TJP3: variants seen among roughly 807,000 people sequenced by gnomAD.
TJP3 encodes the protein tight junction protein 3.
TJP3 carries 85 observed loss-of-function variants against 104.2 expected under a neutral mutation model. The observed-to-expected ratio is 0.82, with a 90% confidence interval of 0.68 to 0.98. The LOEUF (loss-of-function observed/expected upper bound fraction) is 0.98. Among genes scored for constraint, TJP3 ranks in the 50% least tolerant of loss-of-function variants. The probability of loss-of-function intolerance (pLI) is 0.00; values close to 1 mark genes in which losing one functional copy is unlikely to be tolerated. For missense variants in TJP3, 1,367 were observed against 1,322.8 expected (o/e 1.03, Z -0.52); for synonymous variants, 550 against 550.6 (o/e 1.00, Z 0.02).
At position 3,736,336 on chromosome 19, in the gene TJP3, G is replaced by C; in HGVS notation, c.1284+15G>C. On this transcript the variant is annotated intron_variant, in intron 11 of 20. Coordinates refer to ENST00000541714, the MANE Select transcript of TJP3 (RefSeq NM_001267560.2). ...AGATTCTGCAGGTGCTCCGGGGGCG[G>C]CTGGCCAGCCCCACTGATCATGGGC... The C allele has an allele frequency of 6.6e-7, 1 of 1,516,326 alleles. No individual in the cohort carries two copies. Among genetic ancestry groups the C allele is most frequent in the Non-Finnish European group, 8.8e-7 (1 of 1,133,696 alleles). The allele number at this position is 1,516,326 out of a possible 1,614,324, so 93.9% of individuals were successfully genotyped here. A position where few individuals can be genotyped will look rare whatever the true frequency, so the allele number is the denominator to read the frequency against.
intron 19 of TJP3, among the ~76,000 whole-genome samples, chr19:3,748,567 C>CTTTT (rs754151380): frequency 3.7e-5 from 4 of 107,910 alleles, no homozygotes; most frequent in Non-Finnish European, 3.8e-5. Context: ...TGCACCCAGG[C>CTTTT]TTTTTTTTTT....
Position 3,740,548 on chromosome 19 carries a change from C to T in TJP3, c.1632-4C>T. On this transcript the variant is annotated splice_region_variant and splice_polypyrimidine_tract_variant and intron_variant, in intron 13 of 20. Coordinates refer to ENST00000541714, the MANE Select transcript of TJP3 (RefSeq NM_001267560.2). The stretch of plus-strand genomic sequence containing the variant: ...TGCTCAGTACTGTCCCCTCTTCTCC[C>T]CAGGGCGGAGCAGCTGGCCAGCCTG... The T allele has an allele frequency of 6.8e-7, 1 of 1,461,540 alleles. No individual in the cohort carries two copies. Among genetic ancestry groups the T allele is most frequent in the Non-Finnish European group, 9.0e-7 (1 of 1,107,008 alleles). The allele number at this position is 1,461,540 out of a possible 1,614,324, so 90.5% of individuals were successfully genotyped here. A position where few individuals can be genotyped will look rare whatever the true frequency, so the allele number is the denominator to read the frequency against.
At position 3,730,105 on chromosome 19, in the gene TJP3, A is replaced by G; in HGVS notation, c.236A>G (p.Lys79Arg). Residue 79 changes from lysine to arginine, a missense_variant, in exon 4 of 21, where the codon AAG becomes AGG. Coordinates refer to ENST00000541714, the MANE Select transcript of TJP3 (RefSeq NM_001267560.2). The surrounding 1 kb of genome is among the most constrained non-coding windows in gnomAD (Gnocchi z 7.3). ...ATSAFAIQILKTCTKMANITV... is the reference protein window; with the variant it reads ...ATSAFAIQILRTCTKMANITV... ...TCCGCGTTTGCCATTCAGATACTCA[A>G]GACCTGCACCAAGATGGCCAACATC... is the stretch of plus-strand genomic sequence containing the variant. 6.2e-7 allele frequency: 1 copy of G among 1,614,138 alleles called. No homozygotes were observed. Among genetic ancestry groups the G allele is most frequent in the Non-Finnish European group, 8.5e-7 (1 of 1,180,036 alleles).
Position 3,750,781 on chromosome 19 carries a change from C to T in TJP3, c.*97C>T. Reference sequence around the variant, plus strand: ...AACCCACAACCTTACCTCCCTCCGCCTGGTCTTTAATAAACAGAGTATTTT... The same window carrying T: ...AACCCACAACCTTACCTCCCTCCGCTTGGTCTTTAATAAACAGAGTATTTT... On this transcript the variant is annotated 3_prime_UTR_variant, in exon 21 of 21. Transcript: ENST00000541714. 1 of 1,137,942 alleles carries T rather than the reference C, an allele frequency of 8.8e-7. No homozygotes were observed. The highest frequency in any genetic ancestry group is 1.3e-6 in the Non-Finnish European group (1 of 779,576). 70.5% of individuals were successfully genotyped at this position (1,137,942 alleles called of 1,614,324 possible).
At chr19:3,723,905 G>A (rs1455317931) in intron 1 of TJP3, among the ~76,000 whole-genome samples, 1 of 151,854 alleles carries the variant, frequency 6.6e-6, no homozygotes, top group Non-Finnish European at 1.5e-5. Flanking sequence ...GACTTCCTGA[G>A]GAGGTGGCAT....
chr19:3,709,044 C>T (rs986610520), intron 1 of TJP3, among the ~76,000 whole-genome samples: 13 of 152,198 alleles, frequency 8.5e-5, no homozygotes, highest in Non-Finnish European at 1.8e-4. Flanking sequence ...TCCCGCCCCC[C>T]AACCCCTCAC....
Position 3,741,229 on chromosome 19 carries a change from G to A in TJP3, c.1843+466G>A, listed in dbSNP as rs200730699. Among the ~76,000 whole-genome samples the A allele has an allele frequency of 4.5e-4, 68 of 151,978 alleles. No homozygotes were observed. In the East Asian group the frequency reaches 7.6e-3, roughly 17 times the overall value. ...TGTTGGCCAGGCTGGTCTTGAACTCGTGACCTCACGATCCACCCGCTTCAG... is the reference window on the plus strand; with the variant it reads ...TGTTGGCCAGGCTGGTCTTGAACTCATGACCTCACGATCCACCCGCTTCAG... On this transcript the variant is annotated intron_variant, in intron 14 of 20. Coordinates refer to ENST00000541714, the MANE Select transcript of TJP3 (RefSeq NM_001267560.2).
intron 7 of TJP3, 38 bp from the exon 8 acceptor site, chr19:3,734,289 C>CGT: frequency 3.1e-6 from 5 of 1,603,332 alleles, no homozygotes; most frequent in Non-Finnish European, 2.6e-6. Flanking sequence ...GTCCAGAAGG[C>CGT]GTGACCATGG....
At chr19:3,747,010 C>A (rs2036905621) in intron 18 of TJP3, 134 bp downstream of exon 18, 2 of 810,310 alleles carry the variant, frequency 2.5e-6, no homozygotes, top group South Asian at 3.2e-5. Flanking sequence ...CAAGATGGGA[C>A]CTGAGACAAG....
At chr19:3,740,210 G>A (rs1379026060) in intron 13 of TJP3, among the ~76,000 whole-genome samples, 1 of 151,610 alleles carries the variant, frequency 6.6e-6, no homozygotes, top group Non-Finnish European at 1.5e-5. Context: ...CCAACCTGGC[G>A]ACGGAGCGAG....
chr19:3,728,533 C>T (rs1372763169), intron 2 of TJP3, 53 bp downstream of exon 2: 1 of 1,598,524 alleles, frequency 6.3e-7, no homozygotes, highest in Non-Finnish European at 8.5e-7. Context: ...GGCTTAGGCC[C>T]AGCTCAATAG....
chr19:3,737,486 G>A (rs2036752485), intron 11 of TJP3, among the ~76,000 whole-genome samples: 2 of 152,030 alleles, frequency 1.3e-5, no homozygotes, highest in South Asian at 4.1e-4. Context: ...CCTTGCCTGT[G>A]TCCTGCCTTC....
Position 3,746,440 on chromosome 19 carries a change from C to T in TJP3, c.2011-45C>T. On this transcript the variant is annotated intron_variant, in intron 16 of 20. Coordinates refer to ENST00000541714, the MANE Select transcript of TJP3 (RefSeq NM_001267560.2). The surrounding 1 kb of genome is among the most constrained non-coding windows in gnomAD (Gnocchi z 4.1). ...TTTCTATCTTTCTCTCTCTGTTTACCCTGCTGCAATCCCCCTCACCCCAAC... is the reference window on the plus strand; with the variant it reads ...TTTCTATCTTTCTCTCTCTGTTTACTCTGCTGCAATCCCCCTCACCCCAAC... 1 of 1,595,244 alleles carries T rather than the reference C, an allele frequency of 6.3e-7. No individual in the cohort carries two copies. The highest frequency in any genetic ancestry group is 8.6e-7 in the Non-Finnish European group (1 of 1,164,822).
At chr19:3,744,131 A>C in intron 15 of TJP3, 97 bp downstream of exon 15, 1 of 1,140,576 alleles carries the variant, frequency 8.8e-7, no homozygotes, top group African/African-American at 1.5e-5. Flanking sequence ...ATGATGGCAA[A>C]CATGAAGCAG....
At chr19:3,747,604 G>C (rs762417056) in intron 18 of TJP3, among the ~76,000 whole-genome samples, 190 bp from the exon 19 acceptor site, 8 of 152,216 alleles carry the variant, frequency 5.3e-5, no homozygotes, top group Admixed American at 2.0e-4. Flanking sequence ...GGATTTGGGG[G>C]CTGAGCCTCT....
At chr19:3,732,153 A>G in intron 6 of TJP3, 115 bp downstream of exon 6, 1 of 780,752 alleles carries the variant, frequency 1.3e-6, no homozygotes, top group South Asian at 2.1e-5. Context: ...ATTTACCTTC[A>G]GTGTTGTTGC....
At chr19:3,714,474 A>G (rs1401419354) in intron 1 of TJP3, among the ~76,000 whole-genome samples, 1 of 150,388 alleles carries the variant, frequency 6.6e-6, no homozygotes. Context: ...CACCGCGCCC[A>G]GCCCGTTCTT....
chr19:3,748,204 A>G, intron 19 of TJP3, 123 bp downstream of exon 19: 29 of 1,313,054 alleles, frequency 2.2e-5, no homozygotes, highest in Non-Finnish European at 2.9e-5. Context: ...CCCTGGTCAG[A>G]CTGGTTTCTG....
At chr19:3,741,409 G>A (rs1373092157) in intron 14 of TJP3, among the ~76,000 whole-genome samples, 2 of 152,098 alleles carry the variant, frequency 1.3e-5, no homozygotes, top group Admixed American at 6.6e-5. Context: ...GGTCGAGGTT[G>A]CAGTGAGCTA....
Sources: allele counts gnomAD v4.1 joint callset (sites outside exome capture counted in the v4.1 genomes callset), GRCh38; gene constraint gnomAD v4.1.1; non-coding constraint Gnocchi (gnomAD v3.1); transcripts MANE v1.5; gene names NCBI Gene and HGNC (gene_info 2026-07-23, HGNC 2026-07-21).